The following REC114 variants were observed in gnomAD, a reference collection of about 807,000 sequenced individuals.
REC114 encodes REC114 meiotic recombination protein.
Under a neutral mutation model 31.3 loss-of-function variants are expected in REC114, and 27 were observed. That is an observed-to-expected ratio of 0.86 (90% CI 0.64 to 1.19). The LOEUF (loss-of-function observed/expected upper bound fraction) is 1.19. REC114 is among the 50% of genes most tolerant of loss of function. The pLI is 0.00. For missense variants in REC114, 344 were observed against 326.9 expected, an observed-to-expected ratio of 1.05 and a Z score of -0.40; for synonymous variants, 134 against 127.7, an observed-to-expected ratio of 1.05 and a Z score of -0.33.
chr15:73,466,731 T>C (rs1378080063), intron 1 of REC114, among the ~76,000 whole-genome samples: 2 of 152,234 alleles, frequency 1.3e-5, no homozygotes, highest in South Asian at 2.1e-4. Context: ...TAGTAAAATA[T>C]TTTGTGAACT....
intron 2 of REC114, among the ~76,000 whole-genome samples, chr15:73,528,483 C>T (rs1894034807): frequency 6.6e-6 from 1 of 152,166 alleles, no homozygotes; most frequent in Non-Finnish European, 1.5e-5. Context: ...GACAGAGTTA[C>T]ATATTAAAAC....
At chr15:73,522,654 G>A (rs1348441084) in intron 2 of REC114, among the ~76,000 whole-genome samples, 1 of 152,034 alleles carries the variant, frequency 6.6e-6, no homozygotes, top group African/African-American at 2.4e-5. Context: ...TCACTATATG[G>A]ATATACCACA....
At chr15:73,528,196 G>T (rs1894031369) in intron 2 of REC114, among the ~76,000 whole-genome samples, 1 of 152,148 alleles carries the variant, frequency 6.6e-6, no homozygotes, top group Non-Finnish European at 1.5e-5. Flanking sequence ...TAACAAAATA[G>T]TTGATGAGGC....
chr15:73,477,985 CG>C (rs1420479077), intron 2 of REC114, among the ~76,000 whole-genome samples: 1 of 151,748 alleles, frequency 6.6e-6, no homozygotes, highest in Non-Finnish European at 1.5e-5. Flanking sequence ...GTTTATTGGC[CG>C]GGCGTGGTGG....
At chr15:73,473,738 C>T (rs879230396) in intron 1 of REC114, 94 bp from the exon 2 acceptor site, 1 of 674,550 alleles carries the variant, frequency 1.5e-6, no homozygotes, top group Non-Finnish European at 2.4e-6. Context: ...GTAAAAAGAT[C>T]AATATGAGAA....
chr15:73,552,025 G>C (rs1292722173), intron 4 of REC114, among the ~76,000 whole-genome samples: 1 of 152,202 alleles, frequency 6.6e-6, no homozygotes, highest in Non-Finnish European at 1.5e-5. Context: ...CAGTGAATCA[G>C]TATTGTCCAG....
intron 2 of REC114, among the ~76,000 whole-genome samples, chr15:73,537,357 T>C (rs1894169796): frequency 6.6e-6 from 1 of 152,080 alleles, no homozygotes; most frequent in African/African-American, 2.4e-5. Flanking sequence ...CATGGCAAAA[T>C]GGTTTGAACA....
chr15:73,460,611 C>T (rs1360662418), intron 1 of REC114, among the ~76,000 whole-genome samples: 1 of 152,046 alleles, frequency 6.6e-6, no homozygotes, highest in South Asian at 2.1e-4. Context: ...TATGAAGATA[C>T]CAAAGGTGAG....
intron 3 of REC114, among the ~76,000 whole-genome samples, chr15:73,544,580 CCTTAT>C (rs1287768075): frequency 6.6e-6 from 1 of 152,132 alleles, no homozygotes; most frequent in Non-Finnish European, 1.5e-5. Flanking sequence ...ACATATAATT[CCTTAT>C]CTTAAGGGCA....
At chr15:73,509,406 A>C (rs1893730946) in intron 2 of REC114, among the ~76,000 whole-genome samples, 1 of 150,470 alleles carries the variant, frequency 6.6e-6, no homozygotes, top group African/African-American at 2.5e-5. Flanking sequence ...GTTCACTCTG[A>C]TGGTAGTTTC....
intron 2 of REC114, among the ~76,000 whole-genome samples, chr15:73,504,549 T>C (rs535025767): frequency 4.6e-5 from 7 of 152,264 alleles, no homozygotes; most frequent in African/African-American, 1.7e-4. Flanking sequence ...GCCCATATGA[T>C]CAGAAGTTGC....
At chr15:73,554,378 C>G (rs757600470) in intron 4 of REC114, among the ~76,000 whole-genome samples, 42 of 152,214 alleles carry the variant, frequency 2.8e-4, no homozygotes, top group Admixed American at 5.2e-4. Flanking sequence ...GGTCATTTTG[C>G]TGCTCTCTTA....
intron 2 of REC114, among the ~76,000 whole-genome samples, chr15:73,514,730 T>C (rs1444224588): frequency 6.6e-6 from 1 of 152,090 alleles, no homozygotes; most frequent in Non-Finnish European, 1.5e-5. Context: ...GCTAAAATAA[T>C]GTTAAGACAG....
At chr15:73,471,921 T>G (rs1340821853) in intron 1 of REC114, among the ~76,000 whole-genome samples, 4 of 152,008 alleles carry the variant, frequency 2.6e-5, no homozygotes, top group Non-Finnish European at 5.9e-5. Context: ...AAAACTAAAG[T>G]ATAGTGTTAG....
chr15:73,506,197 CT>C (rs1297842146), intron 2 of REC114, among the ~76,000 whole-genome samples: 1 of 152,116 alleles, frequency 6.6e-6, no homozygotes, highest in Non-Finnish European at 1.5e-5. Context: ...AAAAGCTTTA[CT>C]TTTTTTGTAT....
At chr15:73,490,219 G>T (rs937720997) in intron 2 of REC114, among the ~76,000 whole-genome samples, 3 of 152,116 alleles carry the variant, frequency 2.0e-5, no homozygotes, top group African/African-American at 7.2e-5. Flanking sequence ...TTATTCTTTT[G>T]CCAAGCTTTT....
chr15:73,491,649 G>A (rs1287054503), intron 2 of REC114, among the ~76,000 whole-genome samples: 1 of 152,208 alleles, frequency 6.6e-6, no homozygotes, highest in Non-Finnish European at 1.5e-5. Context: ...TGTAATCCCA[G>A]CACTTTGGGA....
At chr15:73,545,713 A>G (rs963617736) in intron 3 of REC114, among the ~76,000 whole-genome samples, 1 of 152,186 alleles carries the variant, frequency 6.6e-6, no homozygotes, top group Non-Finnish European at 1.5e-5. Context: ...ACATTCACAT[A>G]TAGATACCTG....
intron 2 of REC114, among the ~76,000 whole-genome samples, chr15:73,534,400 A>G (rs1894128085): frequency 6.6e-6 from 1 of 152,194 alleles, no homozygotes; most frequent in South Asian, 2.1e-4. Flanking sequence ...TACTACAATC[A>G]CCTCTACGCA....
Sources: gnomAD v4.1 joint callset for allele counts (sites outside exome capture counted in the v4.1 genomes callset) on GRCh38, gnomAD v4.1.1 for gene constraint, MANE v1.5 for transcripts, NCBI Gene and HGNC (gene_info 2026-07-23, HGNC 2026-07-21) for gene names.